RAB3GAP1: variants seen among roughly 807,000 people sequenced by gnomAD.
RAB3GAP1 encodes the protein rab3 GTPase-activating protein catalytic subunit.
In RAB3GAP1, 86 loss-of-function variants were observed where a neutral mutation model predicts 130.7. That is an observed-to-expected ratio of 0.66 (90% CI 0.55 to 0.79). The LOEUF (loss-of-function observed/expected upper bound fraction) is 0.79, where lower values mean the gene tolerates loss of function less well. Ranked by LOEUF, RAB3GAP1 falls within the 30% of genes least tolerant of loss-of-function variation. RAB3GAP1 has a pLI of 0.00. For missense variants in RAB3GAP1, 1,029 were observed against 1,169.4 expected, an observed-to-expected ratio of 0.88 and a Z score of 1.75; for synonymous variants, 367 against 401.7, an observed-to-expected ratio of 0.91 and a Z score of 1.03.
intron 17 of RAB3GAP1, among the ~76,000 whole-genome samples, chr2:135,141,767 A>G (rs925252679): frequency 4.6e-5 from 7 of 152,112 alleles, no homozygotes; most frequent in Non-Finnish European, 7.4e-5. Context: ...TCTTTTCTCT[A>G]TAGGGAGATT....
chr2:135,149,830 T>C (rs1284318471), intron 17 of RAB3GAP1, among the ~76,000 whole-genome samples: 7 of 152,126 alleles, frequency 4.6e-5, no homozygotes, highest in Non-Finnish European at 1.0e-4. Flanking sequence ...ATTTTGTTTT[T>C]GTATTTTTAG....
rs761139928 is a variant in RAB3GAP1 at position 135,135,664 on chromosome 2, CAGG to C, written c.1658_1660del (p.Gly553del). On this transcript the variant is annotated inframe_deletion, in exon 17 of 24. Coordinates refer to ENST00000264158, the MANE Select transcript of RAB3GAP1 (RefSeq NM_012233.3). ...ATATATCCAGGGGATGCTGGAAAAG[CAGG>C]AGACCAGTTGGTGCCAGATAATCTA... is the stretch of plus-strand genomic sequence containing the variant. 8 of 1,613,686 alleles carry C rather than the reference CAGG, an allele frequency of 5.0e-6. No individual in the cohort carries two copies. The highest frequency in any genetic ancestry group is 2.2e-5 in the South Asian group (2 of 91,040).
intron 5 of RAB3GAP1, among the ~76,000 whole-genome samples, chr2:135,104,279 C>T (rs1251338603): frequency 2.0e-5 from 3 of 151,984 alleles, no homozygotes; most frequent in Admixed American, 2.0e-4. Context: ...AGCTAACAAC[C>T]CTCAGAAAAG....
rs375232403 is a variant in RAB3GAP1 at position 135,150,127 on chromosome 2, A to G, written c.1924-242A>G. On this transcript the variant is annotated intron_variant, in intron 17 of 23. Transcript: ENST00000264158. ...CAAATTCCTCTGTCTTTTACTATCA[A>G]TCCTTGTCAAGGGAAACATGGTAAT... Among the ~76,000 whole-genome samples the G allele has an allele frequency of 3.9e-4, 59 of 152,294 alleles. No individual in the cohort carries two copies. In the South Asian group the frequency reaches 5.8e-3, roughly 15 times the overall value.
intron 17 of RAB3GAP1, chr2:135,136,662 A>G: frequency 2.4e-6 from 3 of 1,244,368 alleles, no homozygotes; most frequent in Non-Finnish European, 3.2e-6. Context: ...ACTTGTGGAC[A>G]AAGACTTATG....
intron 5 of RAB3GAP1, among the ~76,000 whole-genome samples, chr2:135,108,081 TTTG>T (rs909681874): frequency 9.2e-5 from 14 of 152,162 alleles, no homozygotes; most frequent in African/African-American, 3.4e-4. Context: ...TGGTTAACTT[TTTG>T]TTGTTGTTAC....
chr2:135,146,807 T>C (rs1692006046), intron 17 of RAB3GAP1, among the ~76,000 whole-genome samples: 1 of 152,194 alleles, frequency 6.6e-6, no homozygotes, highest in Non-Finnish European at 1.5e-5. Flanking sequence ...GTATCAATAG[T>C]TCATGCACAT....
Position 135,068,894 on chromosome 2 carries a change from G to A in RAB3GAP1, c.150+10808G>A, listed in dbSNP as rs1395342047. 4.6e-5 allele frequency among the ~76,000 whole-genome samples: 7 copies of A among 152,176 alleles called. No homozygotes were observed. In the East Asian group the frequency reaches 1.2e-3, roughly 25 times the overall value. ...TTAATACTCATTTTCATTACACGACGTGCTAACTTAAATTTTACCACTTGG... is the reference window on the plus strand; with the variant it reads ...TTAATACTCATTTTCATTACACGACATGCTAACTTAAATTTTACCACTTGG... On this transcript the variant is annotated intron_variant, in intron 3 of 23. Coordinates refer to ENST00000264158, the MANE Select transcript of RAB3GAP1 (RefSeq NM_012233.3).
intron 3 of RAB3GAP1, among the ~76,000 whole-genome samples, chr2:135,069,435 T>A (rs1035918162): frequency 1.1e-4 from 17 of 152,286 alleles, no homozygotes; most frequent in African/African-American, 3.4e-4. Context: ...TTAGTCATTT[T>A]TCCCTTTAGG....
At chr2:135,074,515 T>G (rs980480391) in intron 3 of RAB3GAP1, among the ~76,000 whole-genome samples, 3 of 152,004 alleles carry the variant, frequency 2.0e-5, no homozygotes, top group Admixed American at 2.0e-4. Flanking sequence ...GGGTGGCGGG[T>G]CAGACATCTT....
At chr2:135,156,776 C>G (rs1316206152) in intron 19 of RAB3GAP1, among the ~76,000 whole-genome samples, 1 of 152,090 alleles carries the variant, frequency 6.6e-6, no homozygotes, top group Non-Finnish European at 1.5e-5. Flanking sequence ...CAGGTATTAG[C>G]TAGTGTAATT....
chr2:135,103,035 A>AGTTTTTTTTT (rs1690494807), intron 5 of RAB3GAP1, among the ~76,000 whole-genome samples: 1 of 90,912 alleles, frequency 1.1e-5, no homozygotes, highest in African/African-American at 5.5e-5. Flanking sequence ...CATTTTTGTG[A>AGTTTTTTTTT]TTTTTTTTTT....
At chr2:135,117,585 T>TCTA (rs1691036525) in intron 7 of RAB3GAP1, among the ~76,000 whole-genome samples, 1 of 130,390 alleles carries the variant, frequency 7.7e-6, no homozygotes, top group African/African-American at 2.9e-5. Flanking sequence ...TTCTTCTGCT[T>TCTA]CTTCTTCTGC....
chr2:135,063,311 A>C lies in RAB3GAP1; in HGVS notation c.150+5225A>C, dbSNP rs1447978052. Among the ~76,000 whole-genome samples, 3 of 152,196 alleles carry C rather than the reference A, an allele frequency of 2.0e-5. No individual in the cohort carries two copies. The East Asian group carries it at 5.8e-4, about 29-fold the overall frequency. On this transcript the variant is annotated intron_variant, in intron 3 of 23. Coordinates refer to ENST00000264158, the MANE Select transcript of RAB3GAP1 (RefSeq NM_012233.3). The stretch of plus-strand genomic sequence containing the variant: ...AATATGGTAAATTATGTTGATTAAA[A>C]ATTTTTTTGTTGTAAAATGTAAGAT...
intron 3 of RAB3GAP1, among the ~76,000 whole-genome samples, chr2:135,080,336 C>A (rs7570971): frequency 0.61 from 93,364 of 152,024 alleles, 33,904 homozygotes; most frequent in East Asian, 1. Context: ...TGGAGTAATT[C>A]AAATCCTTGC....
At chr2:135,121,550 A>G (rs995809023) in intron 8 of RAB3GAP1, among the ~76,000 whole-genome samples, 1 of 152,208 alleles carries the variant, frequency 6.6e-6, no homozygotes, top group Non-Finnish European at 1.5e-5. Flanking sequence ...TCATGGACAT[A>G]TATCCTAAAT....
intron 7 of RAB3GAP1, among the ~76,000 whole-genome samples, chr2:135,117,570 G>GCTTCTTCTTCTT (rs1289347100): frequency 2.4e-4 from 5 of 20,888 alleles, no homozygotes; most frequent in Admixed American, 4.9e-4. Context: ...TTCTTCTTCT[G>GCTTCTTCTTCTT]CTTCTTCTTC....
intron 5 of RAB3GAP1, among the ~76,000 whole-genome samples, chr2:135,099,232 T>G (rs1690383593): frequency 6.6e-6 from 1 of 152,208 alleles, no homozygotes; most frequent in Non-Finnish European, 1.5e-5. Context: ...TGCTGAGAGT[T>G]TTTATTATGA....
Position 135,129,990 on chromosome 2 carries a change from C to T in RAB3GAP1, c.974-5C>T, listed in dbSNP as rs1573578783. 6 of 1,584,976 alleles carry T rather than the reference C, an allele frequency of 3.8e-6. No homozygotes were observed. Among genetic ancestry groups the T allele is most frequent in the South Asian group, 1.1e-5 (1 of 89,388 alleles). On this transcript the variant is annotated splice_polypyrimidine_tract_variant and splice_region_variant and intron_variant, in intron 11 of 23. Coordinates refer to ENST00000264158, the MANE Select transcript of RAB3GAP1 (RefSeq NM_012233.3). ...GTGTCAAAAATAACTTTTTTTCCTACATAGGTGATTTTGTCACTGAATTTT... is the reference window on the plus strand; with the variant it reads ...GTGTCAAAAATAACTTTTTTTCCTATATAGGTGATTTTGTCACTGAATTTT...
Sources: gnomAD v4.1 joint callset for allele counts (sites outside exome capture counted in the v4.1 genomes callset) on GRCh38, gnomAD v4.1.1 for gene constraint, MANE v1.5 for transcripts, NCBI Gene and HGNC (gene_info 2026-07-23, HGNC 2026-07-21) for gene names.